Variants in TCF4 observed in about 807,000 individuals in gnomAD.
TCF4 encodes the protein SL3-3 enhancer factor 2.
TCF4 carries 3 observed loss-of-function variants against 82.1 expected under a neutral mutation model. That is an observed-to-expected ratio of 0.04 (90% confidence interval 0.02 to 0.09). The LOEUF (loss-of-function observed/expected upper bound fraction) is 0.09, where lower values mean the gene tolerates loss of function less well. Among genes scored for constraint, TCF4 ranks in the 10% least tolerant of loss-of-function variants. The pLI is 1.00. For synonymous variants in TCF4, 276 were observed against 309.6 expected, an observed-to-expected ratio of 0.89 and a Z score of 1.14; for missense variants, 518 against 852.7, an observed-to-expected ratio of 0.61 and a Z score of 4.89.
intron 3 of TCF4, among the ~76,000 whole-genome samples, chr18:55,571,005 TAA>T (rs749649843): frequency 1.2e-4 from 19 of 152,098 alleles, no homozygotes; most frequent in Admixed American, 4.6e-4. Flanking sequence ...TAAGAATCTT[TAA>T]AAAACAACTG....
intron 3 of TCF4, among the ~76,000 whole-genome samples, chr18:55,516,221 T>C (rs191289171): frequency 6.6e-6 from 1 of 152,284 alleles, no homozygotes; most frequent in Admixed American, 6.5e-5. Context: ...ACAAGTCATT[T>C]AACCTCAACC....
At chr18:55,370,668 C>G (rs1050826943) in intron 6 of TCF4, among the ~76,000 whole-genome samples, 6 of 152,054 alleles carry the variant, frequency 3.9e-5, no homozygotes, top group Admixed American at 6.6e-5. Context: ...AACTCTCCCC[C>G]CCAAAATTAG....
Position 55,224,919 on chromosome 18 carries a change from G to A in TCF4, c.*3116C>T, listed in dbSNP as rs886053950. On this transcript the variant is annotated 3_prime_UTR_variant, in exon 20 of 20. Transcript: ENST00000354452. Reference sequence around the variant, plus strand: ...GCCTAAGTGTCGTCATACAGATAGCGTAGTATGGACCCTTTTGAAATTTTT... The same window carrying A: ...GCCTAAGTGTCGTCATACAGATAGCATAGTATGGACCCTTTTGAAATTTTT... 2.6e-5 allele frequency: 4 copies of A among 152,402 alleles called. No individual in the cohort carries two copies. The highest frequency in any genetic ancestry group is 4.4e-5 in the Non-Finnish European group (3 of 68,022). The allele number at this position is 152,402 out of a possible 1,614,324, so 9.4% of individuals were successfully genotyped here.
At chr18:55,297,243 T>G (rs1295208279) in intron 8 of TCF4, among the ~76,000 whole-genome samples, 1 of 137,512 alleles carries the variant, frequency 7.3e-6, no homozygotes, top group Non-Finnish European at 1.5e-5. Context: ...GTAAAAACAC[T>G]CATCAGAATC....
intron 3 of TCF4, among the ~76,000 whole-genome samples, chr18:55,508,374 G>T (rs2096787656): frequency 6.6e-6 from 1 of 152,138 alleles, no homozygotes; most frequent in Non-Finnish European, 1.5e-5. Flanking sequence ...AATGGGTTTT[G>T]AATGTTAATA....
intron 6 of TCF4, among the ~76,000 whole-genome samples, chr18:55,365,191 A>ATATGTG (rs1361444592): frequency 3.3e-3 from 320 of 97,876 alleles, no homozygotes; most frequent in Non-Finnish European, 4.2e-3. Flanking sequence ...ATATATATAT[A>ATATGTG]TGTGTGTGTG....
At chr18:55,429,380 T>A (rs1387372258) in intron 5 of TCF4, among the ~76,000 whole-genome samples, 1 of 152,212 alleles carries the variant, frequency 6.6e-6, no homozygotes, top group Non-Finnish European at 1.5e-5. Flanking sequence ...CAAAACATGT[T>A]CCCTTCCCAT....
intron 8 of TCF4, among the ~76,000 whole-genome samples, chr18:55,329,459 CT>C (rs373934404): frequency 6.6e-6 from 1 of 152,082 alleles, no homozygotes; most frequent in South Asian, 2.1e-4. Context: ...ATCTAAAAGA[CT>C]TTTTTTAAAG....
upstream of TCF4, chr18:55,589,876 G>A (rs947386507): frequency 1.0e-6 from 1 of 990,146 alleles, no homozygotes; most frequent in South Asian, 4.7e-5. Flanking sequence ...GGGAGCAGGC[G>A]ACCATAGAGT....
intron 3 of TCF4, among the ~76,000 whole-genome samples, chr18:55,492,013 T>C (rs1198998852): frequency 1.3e-5 from 2 of 152,204 alleles, no homozygotes; most frequent in Non-Finnish European, 2.9e-5. Flanking sequence ...AAACATTTTG[T>C]TCCGATTGGT....
At chr18:55,377,844 A>G (rs184651602) in intron 6 of TCF4, among the ~76,000 whole-genome samples, 1 of 152,236 alleles carries the variant, frequency 6.6e-6, no homozygotes, top group African/African-American at 2.4e-5. Context: ...AACAAGACAC[A>G]TTGCCAGAGA....
At chr18:55,296,659 G>A (rs897005774) in intron 8 of TCF4, among the ~76,000 whole-genome samples, 1 of 152,138 alleles carries the variant, frequency 6.6e-6, no homozygotes, top group Non-Finnish European at 1.5e-5. Context: ...ACATCAAAGA[G>A]GGCCACATCA....
At position 55,596,829 on chromosome 18, in the gene TCF4, T is replaced by TA. The variant is rs35096415; in HGVS notation, c.287-9694dup. ...ATAGTACATGCATACTAGGTTATCA[T>TA]AAAAAAAAAAGTTTATAGCCACTGC... On this transcript the variant is annotated intron_variant, in intron 2 of 20. Transcript: ENST00000398339. Among the ~76,000 whole-genome samples, 467 of 149,144 alleles carry TA rather than the reference T, an allele frequency of 3.1e-3. 3 individuals carry two copies. The highest frequency in any genetic ancestry group is 0.01 in the Middle Eastern group (3 of 286).
rs150195019 is a variant in TCF4, at chr18:55,274,615, T to C, written c.789+1004A>G. 1.4e-4 allele frequency among the ~76,000 whole-genome samples: 22 copies of C among 152,244 alleles called. No homozygotes were observed. In the East Asian group the frequency reaches 4.1e-3, roughly 28 times the overall value. On this transcript the variant is annotated intron_variant, in intron 10 of 19. Coordinates refer to ENST00000354452, the MANE Select transcript of TCF4 (RefSeq NM_001083962.2). ...AGAGAAAGAAACCTAAGTGTAGATA[T>C]GAGAAGAAGAAAAAGGGGCAAATGC...
intron 2 of TCF4, among the ~76,000 whole-genome samples, chr18:55,621,626 A>ATTATATT (rs2097719526): frequency 1.1e-4 from 6 of 56,968 alleles, no homozygotes; most frequent in Non-Finnish European, 1.4e-4. Context: ...TATTATATAT[A>ATTATATT]ATATATATAT....
intron 6 of TCF4, among the ~76,000 whole-genome samples, chr18:55,399,761 G>T (rs984345220): frequency 6.6e-6 from 1 of 151,968 alleles, no homozygotes; most frequent in East Asian, 1.9e-4. Context: ...AACCTGGGGA[G>T]TTGTCAGAAA....
rs773020157 is a variant in TCF4, at chr18:55,254,638, A to G, written c.1209T>C (p.His403=). ...LDDAIHVLRN[H]AVGPSTAMPG... ...GCATAGCTGTGGATGGGCCCACTGC[A>G]TGGTTCCGGAGAACATGAATAGCAT... The change falls in exon 15 of 20, where the codon CAT becomes CAC. Residue 403 remains histidine, a synonymous_variant. Coordinates refer to ENST00000354452, the MANE Select transcript of TCF4 (RefSeq NM_001083962.2). 6.2e-7 allele frequency: 1 copy of G among 1,613,496 alleles called. No individual in the cohort carries two copies. The highest frequency in any genetic ancestry group is 8.5e-7 in the Non-Finnish European group (1 of 1,179,818).
intron 6 of TCF4, chr18:55,401,259 T>G: frequency 8.4e-7 from 1 of 1,189,230 alleles, no homozygotes; most frequent in Non-Finnish European, 1.1e-6. Flanking sequence ...TGTCAGCAAA[T>G]TTCCAAAATT....
chr18:55,515,995 T>C (rs1293547105), intron 3 of TCF4, among the ~76,000 whole-genome samples: 1 of 152,168 alleles, frequency 6.6e-6, no homozygotes, highest in Non-Finnish European at 1.5e-5. Context: ...CTATTGAGAC[T>C]AGCAAATATA....
Sources: gnomAD v4.1 joint callset for allele counts (sites outside exome capture counted in the v4.1 genomes callset) on GRCh38, gnomAD v4.1.1 for gene constraint, MANE v1.5 for transcripts, NCBI Gene and HGNC (gene_info 2026-07-23, HGNC 2026-07-21) for gene names.